The following IL15RA variants were observed in gnomAD, a reference collection of about 807,000 sequenced individuals.
IL15RA encodes the protein interleukin 15 receptor subunit alpha, also known as interleukin-15 receptor subunit alpha.
In IL15RA, 26 loss-of-function variants were observed where a neutral mutation model predicts 24.2. The observed-to-expected ratio is 1.07, with a 90% CI of 0.79 to 1.49. The LOEUF is 1.49. IL15RA is among the 40% of genes most tolerant of loss of function. The probability of loss-of-function intolerance (pLI) is 0.00; values close to 1 mark genes in which losing one functional copy is unlikely to be tolerated. For missense variants in IL15RA, 354 were observed against 356.4 expected (o/e 0.99, Z 0.05); for synonymous variants, 166 against 157.6 (o/e 1.05, Z -0.40).
chr10:5,968,856 G>T lies in IL15RA; in HGVS notation c.89-2517C>A. 1 of 1,023,480 alleles carries T rather than the reference G, an allele frequency of 9.8e-7. No individual in the cohort carries two copies. The highest frequency in any genetic ancestry group is 1.4e-5 in the South Asian group (1 of 73,808). 63.4% of individuals were successfully genotyped at this position (1,023,480 alleles called of 1,614,324 possible). ...CCTGAGTCTCACGCAGGCCTCGTGTGTCTGGACCTCATGGTTGAAGCTTTC... is the reference window on the plus strand; with the variant it reads ...CCTGAGTCTCACGCAGGCCTCGTGTTTCTGGACCTCATGGTTGAAGCTTTC... On this transcript the variant is annotated intron_variant, in intron 1 of 6. Coordinates refer to ENST00000379977, the MANE Select transcript of IL15RA (RefSeq NM_002189.4). This position sits in a 1 kb window ranked among gnomAD's most constrained non-coding sequence, Gnocchi z 5.4.
intron 1 of IL15RA, among the ~76,000 whole-genome samples, chr10:5,974,666 CAGG>C (rs1838132726): frequency 1.3e-5 from 2 of 152,070 alleles, no homozygotes; most frequent in Non-Finnish European, 2.9e-5. Flanking sequence ...CCCCTGAGGT[CAGG>C]AGTTCGAGAC....
intron 6 of IL15RA, chr10:5,954,005 A>G (rs1834154318): frequency 6.6e-6 from 1 of 152,206 alleles, no homozygotes; most frequent in African/African-American, 2.4e-5. Context: ...GTGAGAGCTA[A>G]AATAAGGCAG....
At chr10:5,976,159 G>A (rs933104332) in intron 1 of IL15RA, among the ~76,000 whole-genome samples, 1 of 152,152 alleles carries the variant, frequency 6.6e-6, no homozygotes, top group Non-Finnish European at 1.5e-5. Context: ...GACACTGCTA[G>A]CCAACTGGGA....
At chr10:5,978,553 T>C (rs1041211650), upstream of IL15RA, among the ~76,000 whole-genome samples, 10 of 152,126 alleles carry the variant, frequency 6.6e-5, no homozygotes, top group African/African-American at 2.4e-4. This position sits in a 1 kb window ranked among gnomAD's most constrained non-coding sequence, Gnocchi z 5.2. Flanking sequence ...AGACACAGGT[T>C]TACCTTTATA....
Position 5,952,844 on chromosome 10 carries a change from C to G in IL15RA, c.*251G>C. 1.8e-6 allele frequency: 1 copy of G among 564,708 alleles called. No homozygotes were observed. Among genetic ancestry groups the G allele is most frequent in the South Asian group, 2.4e-5 (1 of 42,210 alleles). 35.0% of individuals were successfully genotyped at this position (564,708 alleles called of 1,614,324 possible). On this transcript the variant is annotated 3_prime_UTR_variant, in exon 7 of 7. Transcript: ENST00000379977. The stretch of plus-strand genomic sequence containing the variant: ...AAAATCCTGCTCAGAAGCCTTTGGT[C>G]TCTCCTGGGAAGCTGGGCCCTGGGT...
downstream of IL15RA, among the ~76,000 whole-genome samples, chr10:5,951,732 G>A (rs1044597525): frequency 7.2e-5 from 11 of 152,054 alleles, no homozygotes; most frequent in Admixed American, 6.5e-4. Context: ...GGAGGCTGAG[G>A]TAGAATTGCT....
rs758168701 is a variant in IL15RA, at chr10:5,968,774, A to G, written c.89-2435T>C. On this transcript the variant is annotated intron_variant, in intron 1 of 6. Transcript: ENST00000379977. The surrounding 1 kb of genome is among the most constrained non-coding windows in gnomAD (Gnocchi z 5.4). The stretch of plus-strand genomic sequence containing the variant: ...GCCCTCCATGATAGATGGCTGTGCT[A>G]CCTGCTTGCTGCCTGCTTGTCCGAT... 2 of 703,834 alleles carry G rather than the reference A, an allele frequency of 2.8e-6. No individual in the cohort carries two copies. The highest frequency in any genetic ancestry group is 5.2e-6 in the Non-Finnish European group (2 of 386,284). The allele number at this position is 703,834 out of a possible 1,614,324, so 43.6% of individuals were successfully genotyped here. A position where few individuals can be genotyped will look rare whatever the true frequency, so the allele number is the denominator to read the frequency against.
In IL15RA at chr10:5,964,562, G is replaced by C. The variant is rs1836172528; in HGVS notation, c.284-721C>G. Among the ~76,000 whole-genome samples the C allele has an allele frequency of 6.6e-6, 1 of 151,450 alleles. No individual in the cohort carries two copies. The highest frequency in any genetic ancestry group is 6.6e-5 in the Admixed American group (1 of 15,260). On this transcript the variant is annotated intron_variant, in intron 2 of 6. Transcript: ENST00000379977. This position sits in a 1 kb window ranked among gnomAD's most constrained non-coding sequence, Gnocchi z 5.6. ...GTTGTGAGTGATCAGAACGTGGAAG[G>C]ATCCTTTGGGCTAGGTGAAACCTAA...
upstream of IL15RA, chr10:5,977,861 G>A (rs1480332575): frequency 2.6e-6 from 1 of 377,648 alleles, no homozygotes; most frequent in African/African-American, 2.1e-5. Flanking sequence ...TGTCCCCACT[G>A]CGAAGAGAGT....
rs1835136305 is a variant in IL15RA, at chr10:5,959,512, T to C, written c.616+242A>G. Among the ~76,000 whole-genome samples the C allele has an allele frequency of 6.6e-6, 1 of 152,242 alleles. No homozygotes were observed. Among genetic ancestry groups the C allele is most frequent in the Admixed American group, 6.5e-5 (1 of 15,288 alleles). ...GCCCTTATTTGGGGTGCCAGCTCTC[T>C]GGGTTCAACCCCAGTAGCCTGACAG... On this transcript the variant is annotated intron_variant, in intron 5 of 6. Transcript: ENST00000379977. The surrounding 1 kb of genome is among the most constrained non-coding windows in gnomAD (Gnocchi z 4.1).
downstream of IL15RA, chr10:5,949,238 G>A: frequency 2.1e-6 from 1 of 471,282 alleles, no homozygotes; most frequent in African/African-American, 2.0e-5. This position sits in a 1 kb window ranked among gnomAD's most constrained non-coding sequence, Gnocchi z 4.4. Flanking sequence ...TTTTCTCTGT[G>A]AGCTGCAAGT....
Position 5,970,199 on chromosome 10 carries a change from A to G in IL15RA, c.89-3860T>C, listed in dbSNP as rs963289975. On this transcript the variant is annotated intron_variant, in intron 1 of 6. Transcript: ENST00000379977. This position sits in a 1 kb window ranked among gnomAD's most constrained non-coding sequence, Gnocchi z 4.1. ...TAGTGGTTGTTTTAGGGTGTCCACT[A>G]TATATCTTTACCTTATCACAGTTTT... Among the ~76,000 whole-genome samples the G allele has an allele frequency of 2.0e-5, 3 of 152,188 alleles. No homozygotes were observed. The highest frequency in any genetic ancestry group is 2.9e-5 in the Non-Finnish European group (2 of 68,032).
chr10:5,966,799 C>T lies in IL15RA; in HGVS notation c.89-460G>A, dbSNP rs1367042540. 2.0e-5 allele frequency among the ~76,000 whole-genome samples: 3 copies of T among 152,050 alleles called. No individual in the cohort carries two copies. The highest frequency in any genetic ancestry group is 4.4e-5 in the Non-Finnish European group (3 of 68,016). On this transcript the variant is annotated intron_variant, in intron 1 of 6. Coordinates refer to ENST00000379977, the MANE Select transcript of IL15RA (RefSeq NM_002189.4). The surrounding 1 kb of genome is among the most constrained non-coding windows in gnomAD (Gnocchi z 6.4). The stretch of plus-strand genomic sequence containing the variant: ...GAGCCTGGCCAACATGGTGACACCC[C>T]ATCTTTATTAAAAATACAAAAAATT...
At position 5,962,408 on chromosome 10, in the gene IL15RA, A is replaced by G. The variant is rs1258078131; in HGVS notation, c.382+1335T>C. On this transcript the variant is annotated intron_variant, in intron 3 of 6. Transcript: ENST00000379977. This position sits in a 1 kb window ranked among gnomAD's most constrained non-coding sequence, Gnocchi z 5.2. ...GGAGTTTGAGACCAGACTGACCAAC[A>G]TGGTGAAACCCTGTCTCTACTAAAA... 6.6e-6 allele frequency among the ~76,000 whole-genome samples: 1 copy of G among 152,084 alleles called. No homozygotes were observed. Among genetic ancestry groups the G allele is most frequent in the African/African-American group, 2.4e-5 (1 of 41,420 alleles).
rs1834020750 is a variant in IL15RA, at chr10:5,953,053, G to T, written c.*42C>A. The T allele has an allele frequency of 1.4e-6, 2 of 1,403,294 alleles. No individual in the cohort carries two copies. The allele number at this position is 1,403,294 out of a possible 1,614,324, so 86.9% of individuals were successfully genotyped here. A position where few individuals can be genotyped will look rare whatever the true frequency, so the allele number is the denominator to read the frequency against. ...AGTCGTCTTTAGCTAAAGCAGAGAGGCTCCTTCACTCCGGACTTAGCTGGG... is the reference window on the plus strand; with the variant it reads ...AGTCGTCTTTAGCTAAAGCAGAGAGTCTCCTTCACTCCGGACTTAGCTGGG... On this transcript the variant is annotated 3_prime_UTR_variant, in exon 7 of 7. Coordinates refer to ENST00000379977, the MANE Select transcript of IL15RA (RefSeq NM_002189.4). This position sits in a 1 kb window ranked among gnomAD's most constrained non-coding sequence, Gnocchi z 5.3.
Position 5,975,736 on chromosome 10 carries a change from A to G in IL15RA, c.88+1669T>C, listed in dbSNP as rs1443224679. On this transcript the variant is annotated intron_variant, in intron 1 of 6. Coordinates refer to ENST00000379977, the MANE Select transcript of IL15RA (RefSeq NM_002189.4). The surrounding 1 kb of genome is among the most constrained non-coding windows in gnomAD (Gnocchi z 4.8). Reference sequence around the variant, plus strand: ...TGATGAAACCCCGTCTCTATTAAAAACACAAAAGTTACTGGGCGTGGTGGC... The same window carrying G: ...TGATGAAACCCCGTCTCTATTAAAAGCACAAAAGTTACTGGGCGTGGTGGC... Among the ~76,000 whole-genome samples, 1 of 151,934 alleles carries G rather than the reference A, an allele frequency of 6.6e-6. No homozygotes were observed. Among genetic ancestry groups the G allele is most frequent in the Non-Finnish European group, 1.5e-5 (1 of 67,962 alleles).
Position 5,967,571 on chromosome 10 carries a change from C to A in IL15RA, c.89-1232G>T, listed in dbSNP as rs916570570. Reference sequence around the variant, plus strand: ...CCATGAAGCATCATTTTCCCAAAGGCTGCTGTTGCTTTCAGCTCTGGTTGG... The same window carrying A: ...CCATGAAGCATCATTTTCCCAAAGGATGCTGTTGCTTTCAGCTCTGGTTGG... On this transcript the variant is annotated intron_variant, in intron 1 of 6. Transcript: ENST00000379977. This position sits in a 1 kb window ranked among gnomAD's most constrained non-coding sequence, Gnocchi z 4.4. Among the ~76,000 whole-genome samples, 1 of 152,236 alleles carries A rather than the reference C, an allele frequency of 6.6e-6. No homozygotes were observed. The highest frequency in any genetic ancestry group is 2.4e-5 in the African/African-American group (1 of 41,462).
Position 5,973,271 on chromosome 10 carries a change from A to G in IL15RA, c.88+4134T>C, listed in dbSNP as rs1012363626. 8.5e-5 allele frequency among the ~76,000 whole-genome samples: 13 copies of G among 152,226 alleles called. No homozygotes were observed. The highest frequency in any genetic ancestry group is 2.9e-4 in the African/African-American group (12 of 41,450). On this transcript the variant is annotated intron_variant, in intron 1 of 6. Coordinates refer to ENST00000379977, the MANE Select transcript of IL15RA (RefSeq NM_002189.4). This position sits in a 1 kb window ranked among gnomAD's most constrained non-coding sequence, Gnocchi z 4.5. ...ATATTGATTTGTCCAACCCATGAAC[A>G]TGGTATATCTCTCCATTGATTTTGT...
At chr10:5,951,954 C>A (rs559883808), downstream of IL15RA, among the ~76,000 whole-genome samples, 60 of 152,280 alleles carry the variant, frequency 3.9e-4, no homozygotes, top group African/African-American at 1.4e-3. Flanking sequence ...GTCACTGCGC[C>A]CAGTGTCCCA....
Sources: allele counts gnomAD v4.1 joint callset (sites outside exome capture counted in the v4.1 genomes callset), GRCh38; gene constraint gnomAD v4.1.1; non-coding constraint Gnocchi (gnomAD v3.1); transcripts MANE v1.5; gene names NCBI Gene and HGNC (gene_info 2026-07-23, HGNC 2026-07-21).